The following ARHGEF18 variants were observed in gnomAD, a reference collection of about 807,000 sequenced individuals.
ARHGEF18 encodes Rho/Rac guanine nucleotide exchange factor 18.
Under a neutral mutation model 155.7 loss-of-function variants are expected in ARHGEF18, and 93 were observed. The observed-to-expected ratio is 0.60, with a 90% CI of 0.50 to 0.71. ARHGEF18 has a LOEUF of 0.71. ARHGEF18 is among the 30% of genes least tolerant of loss of function. ARHGEF18 has a pLI of 0.00. For synonymous variants in ARHGEF18, 742 were observed against 753.1 expected (o/e 0.99, Z 0.24); for missense variants, 1,593 against 1,816.1 (o/e 0.88, Z 2.23).
At chr19:7,385,870 T>TCTCTCTCTCTCTCTCC (rs1555704468) in intron 10 of ARHGEF18, among the ~76,000 whole-genome samples, 9 of 29,564 alleles carry the variant, frequency 3.0e-4, no homozygotes, top group African/African-American at 1.5e-3. Context: ...TCTCTCTCTC[T>TCTCTCTCTCTCTCTCC]CCCCCCTCCC....
At chr19:7,457,051 AC>A (rs1320298393) in intron 18 of ARHGEF18, among the ~76,000 whole-genome samples, 1 of 152,008 alleles carries the variant, frequency 6.6e-6, no homozygotes, top group Non-Finnish European at 1.5e-5. Context: ...TGTGTTCTTA[AC>A]CAGTGTATTT....
intron 10 of ARHGEF18, among the ~76,000 whole-genome samples, chr19:7,415,517 C>T (rs1267155611): frequency 1.3e-5 from 2 of 152,074 alleles, no homozygotes; most frequent in African/African-American, 2.4e-5. Context: ...TAAACCTTTC[C>T]GTGGCTTCAG....
At chr19:7,455,744 G>T (rs111822127) in intron 17 of ARHGEF18, among the ~76,000 whole-genome samples, 4,346 of 152,242 alleles carry the variant, frequency 0.029, 199 homozygotes, top group African/African-American at 0.095. Flanking sequence ...TTCCACCTGT[G>T]GGGGAAGGCC....
intron 10 of ARHGEF18, among the ~76,000 whole-genome samples, chr19:7,399,997 A>T (rs1295216119): frequency 6.6e-6 from 1 of 151,984 alleles, no homozygotes; most frequent in African/African-American, 2.4e-5. Context: ...TCTCAAACTC[A>T]TGGGCTCAAG....
At chr19:7,477,864 AAAAC>A in the ARHGEF18 span, among the ~76,000 whole-genome samples, 2 of 152,204 alleles carry the variant, frequency 1.3e-5, no homozygotes, top group Admixed American at 6.5e-5. Flanking sequence ...CAAAAAATAA[AAAAC>A]AAAATTAGCC....
At chr19:7,355,625 C>G in intron 1 of ARHGEF18, 2 of 985,466 alleles carry the variant, frequency 2.0e-6, no homozygotes, top group Non-Finnish European at 2.4e-6. Context: ...ACGCATGGCC[C>G]CCATGGCTGA....
chr19:7,455,907 G>T (rs886385470), intron 17 of ARHGEF18, among the ~76,000 whole-genome samples: 1 of 152,174 alleles, frequency 6.6e-6, no homozygotes, highest in South Asian at 2.1e-4. Flanking sequence ...GCATGGAAAA[G>T]ATCTGCCCCC....
intron 22 of ARHGEF18, among the ~76,000 whole-genome samples, 188 bp from the exon 23 acceptor site, chr19:7,464,372 C>T (rs935442687): frequency 6.6e-6 from 1 of 152,126 alleles, no homozygotes; most frequent in Non-Finnish European, 1.5e-5. Context: ...CTCCAGACAT[C>T]GTTGGTTGTG....
At position 7,471,057 on chromosome 19, in the gene ARHGEF18, A is replaced by T. The variant is rs1568372187; in HGVS notation, c.*759A>T. 5.5e-6 allele frequency: 2 copies of T among 366,300 alleles called. No homozygotes were observed. The highest frequency in any genetic ancestry group is 9.7e-6 in the Non-Finnish European group (2 of 205,986). The allele number at this position is 366,300 out of a possible 1,614,324, so 22.7% of individuals were successfully genotyped here. The stretch of plus-strand genomic sequence containing the variant: ...AGCTGTTTCCCAAACTCTGCTTCCC[A>T]AGGGCAACCGTTGCTGTTCACACGC... On this transcript the variant is annotated 3_prime_UTR_variant, in exon 29 of 29. Transcript: ENST00000668164. The surrounding 1 kb of genome is among the most constrained non-coding windows in gnomAD (Gnocchi z 4.4).
At position 7,405,031 on chromosome 19, in the gene ARHGEF18, C is replaced by T. The variant is rs2432099; in HGVS notation, c.967+21828C>T. On this transcript the variant is annotated intron_variant, in intron 10 of 28. Coordinates refer to ENST00000668164, the MANE Select transcript of ARHGEF18 (RefSeq NM_001367823.1). The stretch of plus-strand genomic sequence containing the variant: ...GGAGTGTAATGGCATGATCTTGGCT[C>T]ACTGCAACCTCTGTGTACTGAGTTT... 1.7e-3 allele frequency among the ~76,000 whole-genome samples: 259 copies of T among 152,152 alleles called. 6 individuals carry two copies. The East Asian group carries it at 0.042, about 25-fold the overall frequency.
At chr19:7,379,020 C>A in intron 6 of ARHGEF18, 102 bp from the exon 7 acceptor site, 2 of 1,033,250 alleles carry the variant, frequency 1.9e-6, no homozygotes, top group South Asian at 4.9e-5. Context: ...GGGTCTGCAT[C>A]AGGACCTGAG....
chr19:7,360,812 C>G (rs940129891), intron 1 of ARHGEF18, among the ~76,000 whole-genome samples: 2 of 152,200 alleles, frequency 1.3e-5, no homozygotes, highest in African/African-American at 4.8e-5. Flanking sequence ...TTCTGTGAGT[C>G]ATAGATGCTG....
At chr19:7,401,726 T>C (rs1293320439) in intron 10 of ARHGEF18, among the ~76,000 whole-genome samples, 2 of 152,226 alleles carry the variant, frequency 1.3e-5, no homozygotes, top group Admixed American at 6.5e-5. Flanking sequence ...TCTGTTCCTC[T>C]GTAGGTTCCT....
At chr19:7,448,517 C>T (rs868729932) in intron 15 of ARHGEF18, among the ~76,000 whole-genome samples, 7 of 151,992 alleles carry the variant, frequency 4.6e-5, no homozygotes, top group East Asian at 3.9e-4. Flanking sequence ...AAAAATTAGC[C>T]AGGCGTGGTG....
At chr19:7,423,545 G>GAAAA (rs939529446) in intron 10 of ARHGEF18, among the ~76,000 whole-genome samples, 1 of 151,858 alleles carries the variant, frequency 6.6e-6, no homozygotes, top group Non-Finnish European at 1.5e-5. Flanking sequence ...ACTACAAGTA[G>GAAAA]AAAAAATTAG....
intron 18 of ARHGEF18, 80 bp from the exon 19 acceptor site, chr19:7,458,432 C>T: frequency 2.2e-6 from 3 of 1,385,872 alleles, no homozygotes; most frequent in Non-Finnish European, 3.0e-6. Context: ...CTTAGTTCCC[C>T]TCACCAGGCC....
intron 7 of ARHGEF18, among the ~76,000 whole-genome samples, chr19:7,379,580 GGCT>G (rs1970631200): frequency 6.6e-6 from 1 of 152,012 alleles, no homozygotes; most frequent in Non-Finnish European, 1.5e-5. Context: ...AAAAAGACAA[GGCT>G]GGGTTCAAGG....
chr19:7,404,154 G>A (rs1426369333), intron 10 of ARHGEF18, among the ~76,000 whole-genome samples: 6 of 151,958 alleles, frequency 3.9e-5, no homozygotes, highest in Non-Finnish European at 8.8e-5. Context: ...CTAGTTATTT[G>A]TAATCTGTAA....
At position 7,388,824 on chromosome 19, in the gene ARHGEF18, AC is replaced by A. The variant is rs1015707229; in HGVS notation, c.967+5627del. Among the ~76,000 whole-genome samples the A allele has an allele frequency of 8.6e-5, 13 of 151,038 alleles. No homozygotes were observed. In the Admixed American group the frequency reaches 8.6e-4, roughly 10 times the overall value. On this transcript the variant is annotated intron_variant, in intron 10 of 28. Transcript: ENST00000668164. ...TCAAACTCCTGACCTCAGGTGATCC[AC>A]CCCCCTCAGCCTTCCAAAATGCTAG...
Sources: gnomAD v4.1 joint callset for allele counts (sites outside exome capture counted in the v4.1 genomes callset) on GRCh38, gnomAD v4.1.1 for gene constraint, Gnocchi (gnomAD v3.1) non-coding constraint, MANE v1.5 for transcripts, NCBI Gene and HGNC (gene_info 2026-07-23, HGNC 2026-07-21) for gene names.